The following PASK variants were observed in gnomAD, a reference collection of about 807,000 sequenced individuals.
PASK encodes the protein PAS domain-containing serine/threonine-protein kinase.
A neutral mutation model predicts 121.0 loss-of-function variants in PASK; 110 were observed. The observed-to-expected ratio is 0.91, with a 90% CI of 0.78 to 1.06. PASK has a LOEUF of 1.06. Ranked by LOEUF, PASK falls within the 50% of genes least tolerant of loss-of-function variation. The pLI, the probability that PASK is intolerant of heterozygous loss-of-function variation, is 0.00. For missense variants in PASK, 1,643 were observed against 1,702.3 expected (o/e 0.97, Z 0.61); for synonymous variants, 686 against 717.8 (o/e 0.96, Z 0.71).
At chr2:241,106,791 A>C (rs892092707) in intron 17 of PASK, 68 bp from the exon 18 acceptor site, 113 of 1,503,898 alleles carry the variant, frequency 7.5e-5, no homozygotes, top group Non-Finnish European at 9.8e-5. Context: ...TTTGCTTCTC[A>C]CTTGAAGAAG....
In PASK at chr2:241,115,300, G is replaced by C. The variant is rs1291972256; in HGVS notation, c.3186C>G (p.Ala1062=). 1 of 1,613,896 alleles carries C rather than the reference G, an allele frequency of 6.2e-7. No homozygotes were observed. Among genetic ancestry groups the C allele is most frequent in the African/African-American group, 1.3e-5 (1 of 74,860 alleles). The change falls in exon 13 of 18, where the codon GCC becomes GCG. Residue 1062 remains alanine (A), a synonymous_variant. Transcript: ENST00000234040. ...EIAILSRVEH[A]NIIKVLDIFE... Reference sequence around the variant, plus strand: ...AGGAAACCATCACCTTGATGATATTGGCGTGCTCCACCCTGGATAGAATTG... The same window carrying C: ...AGGAAACCATCACCTTGATGATATTCGCGTGCTCCACCCTGGATAGAATTG...
Position 241,143,934 on chromosome 2 carries a change from G to A in PASK, c.-42-860C>T, listed in dbSNP as rs145164215. Among the ~76,000 whole-genome samples the A allele has an allele frequency of 2.4e-3, 359 of 152,360 alleles. 1 individual carries two copies. Among genetic ancestry groups the A allele is most frequent in the African/African-American group, 8.3e-3 (347 of 41,572 alleles). ...CTTTTCTCTTATACATGATTCAAAT[G>A]CTGATACAGGGTGGAAATACAGGAA... On this transcript the variant is annotated intron_variant, in intron 1 of 17. Coordinates refer to ENST00000234040, the MANE Select transcript of PASK (RefSeq NM_015148.4).
chr2:241,124,221 G>C (rs2125423341), intron 10 of PASK, 88 bp from the exon 11 acceptor site: 1 of 1,048,956 alleles, frequency 9.5e-7, no homozygotes, highest in Non-Finnish European at 1.4e-6. Flanking sequence ...TCCCCAGAAT[G>C]CAACAGTCCA....
Position 241,138,198 on chromosome 2 carries a change from A to C in PASK, c.742-111T>G, listed in dbSNP as rs543143799. The C allele has an allele frequency of 1.7e-4, 185 of 1,093,882 alleles. 1 individual carries two copies. In the South Asian group the frequency reaches 2.1e-3, roughly 12 times the overall value. 67.8% of individuals were successfully genotyped at this position (1,093,882 alleles called of 1,614,324 possible). ...AGCAAGACCCCAACATGACTTCTCC[A>C]TCGGAAGGGCAAGAGACATATACAC... On this transcript the variant is annotated intron_variant, in intron 5 of 17. Transcript: ENST00000234040.
chr2:241,142,938 T>C lies in PASK; in HGVS notation c.95A>G (p.Gln32Arg). Residue 32 changes from glutamine to arginine, a missense_variant, in exon 2 of 18, where the codon CAG (glutamine) becomes CGG (arginine). By Grantham distance (43) the Gln-to-Arg change is conservative. Transcript: ENST00000234040. ...LPVSAEGPAA[Q>R]TTAEPSRSFS... is the part of the protein sequence containing the mutation. ...CGACCTGCTGGGCTCAGCAGTGGTC[T>C]GTGCAGCTGGGCCCTCTGCTGACAC... 1.1e-5 allele frequency: 18 copies of C among 1,613,644 alleles called. No individual in the cohort carries two copies. The highest frequency in any genetic ancestry group is 1.5e-5 in the Non-Finnish European group (18 of 1,179,552).
intron 15 of PASK, among the ~76,000 whole-genome samples, chr2:241,110,119 A>C (rs139013316): frequency 6.6e-6 from 1 of 152,384 alleles, no homozygotes; most frequent in African/African-American, 2.4e-5. Context: ...AATCAAATTC[A>C]GCCTTGAAAA....
intron 10 of PASK, 61 bp from the exon 11 acceptor site, chr2:241,124,194 A>G: frequency 7.2e-7 from 1 of 1,396,546 alleles, no homozygotes; most frequent in Non-Finnish European, 1.0e-6. Context: ...CAGCAGCTTT[A>G]GGTTAGAAAA....
rs150941096 is a variant in PASK, at chr2:241,117,983, A to T, written c.3073-2570T>A. On this transcript the variant is annotated intron_variant, in intron 12 of 17. Transcript: ENST00000234040. The stretch of plus-strand genomic sequence containing the variant: ...ACAACAAGACTTGTACACTGAAATT[A>T]CAAAACACTACCGAAAGAAATTAAA... Among the ~76,000 whole-genome samples the T allele has an allele frequency of 5.0e-4, 76 of 152,308 alleles. 1 individual carries two copies. The highest frequency in any genetic ancestry group is 1.6e-3 in the African/African-American group (67 of 41,586).
chr2:241,136,995 C>T lies in PASK; in HGVS notation c.1137+9G>A, dbSNP rs775887151. 12 of 1,611,944 alleles carry T rather than the reference C, an allele frequency of 7.4e-6. No individual in the cohort carries two copies. In the East Asian group the frequency reaches 2.7e-4, roughly 36 times the overall value. On this transcript the variant is annotated intron_variant, in intron 7 of 17. Transcript: ENST00000234040. ...GGGAACGGGAGCCAGGCGCCCAGGG[C>T]AGCCCCACCTTGCCCAGGAGCTCCG...
intron 7 of PASK, 68 bp from the exon 8 acceptor site, chr2:241,136,107 G>T (rs769079633): frequency 1.4e-6 from 2 of 1,384,414 alleles, no homozygotes; most frequent in Non-Finnish European, 2.1e-6. Flanking sequence ...CCGTCCCCCT[G>T]GGGGAGGAAT....
At chr2:241,115,230 A>C in intron 13 of PASK, 53 bp from the exon 14 acceptor site, 1 of 1,613,862 alleles carries the variant, frequency 6.2e-7, no homozygotes. Context: ...TCAAGTCAAC[A>C]AATTGAAGAC....
intron 15 of PASK, among the ~76,000 whole-genome samples, chr2:241,110,930 G>A (rs929779349): frequency 7.9e-5 from 12 of 152,204 alleles, no homozygotes; most frequent in Non-Finnish European, 1.6e-4. Context: ...GCGGGGAAGA[G>A]CCCATTTTCA....
chr2:241,138,881 TC>T, intron 4 of PASK, 87 bp from the exon 5 acceptor site: 1 of 1,280,064 alleles, frequency 7.8e-7, no homozygotes, highest in Non-Finnish European at 1.1e-6. Context: ...AGGCCCAAAC[TC>T]CAGGCACTGC....
At chr2:241,139,246 G>C (rs1311802396) in intron 4 of PASK, among the ~76,000 whole-genome samples, 1 of 152,188 alleles carries the variant, frequency 6.6e-6, no homozygotes, top group Non-Finnish European at 1.5e-5. Context: ...CAACCTGGAG[G>C]ATCTGGATGA....
At chr2:241,143,532 TAGAG>T (rs779560914) in intron 1 of PASK, among the ~76,000 whole-genome samples, 6 of 146,454 alleles carry the variant, frequency 4.1e-5, no homozygotes, top group East Asian at 2.0e-4. Context: ...GCCTGGGCGA[TAGAG>T]AGAGACTCCA....
intron 6 of PASK, 45 bp from the exon 7 acceptor site, chr2:241,137,309 G>C: frequency 6.4e-7 from 1 of 1,559,968 alleles, no homozygotes; most frequent in Non-Finnish European, 8.8e-7. Flanking sequence ...GTTTCACGTG[G>C]ACAGAGCACT....
At chr2:241,125,907 T>C (rs2125426433) in intron 10 of PASK, among the ~76,000 whole-genome samples, 1 of 152,230 alleles carries the variant, frequency 6.6e-6, no homozygotes, top group South Asian at 2.1e-4. Flanking sequence ...CCCAGGCTGC[T>C]GGGAGGAGCG....
intron 9 of PASK, among the ~76,000 whole-genome samples, chr2:241,131,490 T>G (rs1256126301): frequency 6.6e-6 from 1 of 152,210 alleles, no homozygotes; most frequent in East Asian, 1.9e-4. Flanking sequence ...ACTTTATATG[T>G]ATCTATTACA....
chr2:241,132,527 T>TAAAAAAAAA (rs71049553), intron 9 of PASK, among the ~76,000 whole-genome samples: 62 of 39,526 alleles, frequency 1.6e-3, no homozygotes, highest in African/African-American at 3.5e-3. Flanking sequence ...AGACTCTGTC[T>TAAAAAAAAA]AAAAAAAAAA....
Sources: allele counts gnomAD v4.1 joint callset (sites outside exome capture counted in the v4.1 genomes callset), GRCh38; gene constraint gnomAD v4.1.1; transcripts MANE v1.5; gene names NCBI Gene and HGNC (gene_info 2026-07-23, HGNC 2026-07-21).